The following PAX2 variants were observed in gnomAD, a reference collection of about 807,000 sequenced individuals.
The protein encoded by PAX2 is paired box protein Pax-2.
Under a neutral mutation model 41.7 loss-of-function variants are expected in PAX2, and 9 were observed. The observed-to-expected ratio is 0.22, with a 90% CI of 0.13 to 0.38. PAX2 has a LOEUF of 0.38. Among genes scored for constraint, PAX2 ranks in the 10% least tolerant of loss-of-function variants. PAX2 has a pLI of 1.00. For synonymous variants in PAX2, 221 were observed against 212.7 expected, an observed-to-expected ratio of 1.04 and a Z score of -0.34; for missense variants, 418 against 531.6, an observed-to-expected ratio of 0.79 and a Z score of 2.10.
chr10:100,743,536 GCTC>G (rs1845040149), upstream of PAX2, among the ~76,000 whole-genome samples: 1 of 152,136 alleles, frequency 6.6e-6, no homozygotes, highest in South Asian at 2.1e-4. Context: ...TTAGTTCTGA[GCTC>G]CTCTAAATAA....
At chr10:100,806,924 C>T (rs2133951262) in intron 6 of PAX2, among the ~76,000 whole-genome samples, 1 of 152,272 alleles carries the variant, frequency 6.6e-6, no homozygotes, top group African/African-American at 2.4e-5. Flanking sequence ...CAAGTCCCTT[C>T]TAGCTCCGCT....
At chr10:100,795,093 C>T (rs1351711768) in intron 5 of PAX2, among the ~76,000 whole-genome samples, 1 of 152,258 alleles carries the variant, frequency 6.6e-6, no homozygotes, top group Non-Finnish European at 1.5e-5. Context: ...TTGGGAACTA[C>T]TGAGCCCAAC....
chr10:100,745,262 T>G (rs1466426001), upstream of PAX2, among the ~76,000 whole-genome samples: 2 of 152,146 alleles, frequency 1.3e-5, no homozygotes, highest in Non-Finnish European at 2.9e-5. Flanking sequence ...GCGAGTTTCG[T>G]TTCTCAGTGT....
At chr10:100,761,964 C>T (rs140903959) in intron 3 of PAX2, among the ~76,000 whole-genome samples, 15 of 152,352 alleles carry the variant, frequency 9.8e-5, no homozygotes, top group African/African-American at 3.6e-4. Context: ...CACCAACTCA[C>T]ATCTCTAGGG....
intron 3 of PAX2, among the ~76,000 whole-genome samples, chr10:100,751,297 C>T (rs1261682501): frequency 2.6e-5 from 4 of 152,122 alleles, no homozygotes; most frequent in African/African-American, 4.8e-5. Flanking sequence ...CCCCAGGGGC[C>T]GCCGCTTGTC....
At chr10:100,735,572 T>C (rs893558509) in exon 1 of PAX2, 8 of 693,826 alleles carry the variant, frequency 1.2e-5, no homozygotes, top group Non-Finnish European at 1.3e-5. Flanking sequence ...TCGGGTTATC[T>C]GAGCCGCTTG....
chr10:100,764,497 A>G (rs1405215234), intron 3 of PAX2, among the ~76,000 whole-genome samples: 1 of 152,156 alleles, frequency 6.6e-6, no homozygotes, highest in Non-Finnish European at 1.5e-5. Context: ...CTGTGAACAG[A>G]ATTGTGTATC....
At chr10:100,807,800 A>G (rs573598607) in intron 6 of PAX2, among the ~76,000 whole-genome samples, 6 of 152,316 alleles carry the variant, frequency 3.9e-5, no homozygotes, top group African/African-American at 1.4e-4. Flanking sequence ...GCACACACGC[A>G]CCCACACATG....
intron 3 of PAX2, among the ~76,000 whole-genome samples, chr10:100,758,164 G>A (rs1045461526): frequency 1.4e-5 from 2 of 147,624 alleles, no homozygotes; most frequent in South Asian, 2.1e-4. Context: ...TTTTTGAGAC[G>A]GAGTCTTGCT....
rs79780112 is a variant in PAX2, at chr10:100,823,983, T to A, written c.920-665T>A. ...GAACTTTATCTGGTCCACTTGCACT[T>A]TTGGCTCAAAGCTCCTGATTCACTT... On this transcript the variant is annotated intron_variant, in intron 7 of 9. Coordinates refer to ENST00000355243, the MANE Select transcript of PAX2 (RefSeq NM_000278.5). Among the ~76,000 whole-genome samples, 746 of 152,288 alleles carry A rather than the reference T, an allele frequency of 4.9e-3. 5 individuals are homozygous for A. Among genetic ancestry groups the A allele is most frequent in the African/African-American group, 0.017 (713 of 41,554 alleles).
chr10:100,755,661 A>C (rs1391311572), intron 3 of PAX2, among the ~76,000 whole-genome samples: 5 of 152,190 alleles, frequency 3.3e-5, no homozygotes, highest in Admixed American at 3.3e-4. Context: ...ACACCCTGAG[A>C]GGCAACAATC....
At chr10:100,766,355 A>C (rs1012956421) in intron 3 of PAX2, among the ~76,000 whole-genome samples, 7 of 152,224 alleles carry the variant, frequency 4.6e-5, no homozygotes, top group Admixed American at 3.3e-4. Context: ...AGTGCAGGCC[A>C]CTGCTGAGCC....
At chr10:100,752,252 C>T (rs72843852) in intron 3 of PAX2, among the ~76,000 whole-genome samples, 25,918 of 152,178 alleles carry the variant, frequency 0.17, 2,890 homozygotes, top group Admixed American at 0.31. Flanking sequence ...ATACACCCTC[C>T]GAAAACCCTC....
intron 1 of PAX2, among the ~76,000 whole-genome samples, chr10:100,738,216 T>A (rs1844838301): frequency 6.6e-6 from 1 of 152,218 alleles, no homozygotes; most frequent in Admixed American, 6.5e-5. Flanking sequence ...GGCGCCAGGC[T>A]TTCAGAGCCT....
Position 100,806,631 on chromosome 10 carries a change from GA to G in PAX2, c.792+28del, listed in dbSNP as rs772767935. On this transcript the variant is annotated intron_variant, in intron 6 of 9. Coordinates refer to ENST00000355243, the MANE Select transcript of PAX2 (RefSeq NM_000278.5). ...GTGAGGAGGGAGCTTTCTGCTTGCA[GA>G]AGTAGAAAGGAGCCGGCAGAGCAAG... 1.9e-6 allele frequency: 3 copies of G among 1,606,744 alleles called. No homozygotes were observed. In the African/African-American group the frequency reaches 4.0e-5, roughly 21 times the overall value.
At chr10:100,784,203 A>C (rs1424530176) in intron 5 of PAX2, among the ~76,000 whole-genome samples, 4 of 152,246 alleles carry the variant, frequency 2.6e-5, no homozygotes, top group African/African-American at 9.6e-5. Context: ...GATGTAGCCC[A>C]ACTCTGCAGT....
upstream of PAX2, among the ~76,000 whole-genome samples, chr10:100,741,566 G>A (rs1038884878): frequency 2.0e-5 from 3 of 152,312 alleles, no homozygotes; most frequent in Non-Finnish European, 2.9e-5. Flanking sequence ...TCGGCTCCCT[G>A]GGATCTGACA....
At position 100,768,824 on chromosome 10, in the gene PAX2, A is replaced by G. The variant is rs541651923; in HGVS notation, c.411-10674A>G. 7.2e-4 allele frequency among the ~76,000 whole-genome samples: 109 copies of G among 152,338 alleles called. 1 individual carries two copies. The highest frequency in any genetic ancestry group is 3.4e-3 in the Middle Eastern group (1 of 294). On this transcript the variant is annotated intron_variant, in intron 3 of 9. Coordinates refer to ENST00000355243, the MANE Select transcript of PAX2 (RefSeq NM_000278.5). ...ACCAAACAAACAATTTCTGGCTCCA[A>G]TGCTATTAAGCATGTGACTTTGGGC...
intron 5 of PAX2, among the ~76,000 whole-genome samples, chr10:100,799,499 G>A (rs1847463682): frequency 6.6e-6 from 1 of 152,228 alleles, no homozygotes; most frequent in African/African-American, 2.4e-5. Flanking sequence ...CTCAGTAAAT[G>A]ATGATGGGTC....
Sources: gnomAD v4.1 joint callset for allele counts (sites outside exome capture counted in the v4.1 genomes callset) on GRCh38, gnomAD v4.1.1 for gene constraint, MANE v1.5 for transcripts, NCBI Gene and HGNC (gene_info 2026-07-23, HGNC 2026-07-21) for gene names.